ZFPM1: variants seen among roughly 807,000 people sequenced by gnomAD.
ZFPM1 encodes the protein zinc finger protein ZFPM1.
A neutral mutation model predicts 46.3 loss-of-function variants in ZFPM1; 28 were observed. The ratio of observed to expected loss-of-function variants is 0.60; its 90% CI spans 0.45 to 0.83. The LOEUF (loss-of-function observed/expected upper bound fraction) is 0.83. Ranked by LOEUF, ZFPM1 falls within the 40% of genes least tolerant of loss-of-function variation. ZFPM1 has a pLI of 0.00. For missense variants in ZFPM1, 1,878 were observed against 1,432.4 expected (o/e 1.31, Z -5.02); for synonymous variants, 957 against 675.9 (o/e 1.42, Z -6.45).
intron 3 of ZFPM1, among the ~76,000 whole-genome samples, chr16:88,509,378 C>T (rs185857140): frequency 4.6e-5 from 7 of 152,348 alleles, no homozygotes; most frequent in African/African-American, 1.7e-4. Flanking sequence ...GGTGACCCCA[C>T]GGTGGGCACC....
chr16:88,510,421 C>T (rs894888735), intron 3 of ZFPM1, among the ~76,000 whole-genome samples: 12 of 152,238 alleles, frequency 7.9e-5, no homozygotes, highest in Non-Finnish European at 1.5e-4. Context: ...GGGGTGTAAT[C>T]GGAGGGCTTT....
At chr16:88,454,509 C>A (rs1055834406) in intron 1 of ZFPM1, among the ~76,000 whole-genome samples, 2 of 152,212 alleles carry the variant, frequency 1.3e-5, no homozygotes, top group African/African-American at 2.4e-5. Flanking sequence ...CAGGACGCAG[C>A]CCCGGGCCGG....
rs1038637817 is a variant in ZFPM1 at position 88,533,373 on chromosome 16, C to T, written c.1415C>T (p.Ala472Val). ...GTGGAGGCGGTGGAGGAGCCGGAGGCGGCCCCCATCCTGGGCCCCGGAGAG... is the reference window on the plus strand; with the variant it reads ...GTGGAGGCGGTGGAGGAGCCGGAGGTGGCCCCCATCCTGGGCCCCGGAGAG... ...IKVEAVEEPE[A>V]APILGPGEPG... The change falls in exon 10 of 10, where the codon GCG becomes GTG. Residue 472 changes from alanine to valine, a missense_variant. By Grantham distance (64) the Ala-to-Val change is moderately conservative (BLOSUM62 0). Coordinates refer to ENST00000319555, the MANE Select transcript of ZFPM1 (RefSeq NM_153813.3). 25 of 1,528,590 alleles carry T rather than the reference C, an allele frequency of 1.6e-5. No homozygotes were observed. Among genetic ancestry groups the T allele is most frequent in the East Asian group, 5.0e-5 (2 of 39,764 alleles). 94.7% of individuals were successfully genotyped at this position (1,528,590 alleles called of 1,614,324 possible).
intron 2 of ZFPM1, among the ~76,000 whole-genome samples, chr16:88,486,753 G>A (rs1909251749): frequency 6.7e-6 from 1 of 148,986 alleles, no homozygotes; most frequent in Admixed American, 6.7e-5. Context: ...ATGGGTGCTG[G>A]GTGCACAGTG....
intron 1 of ZFPM1, among the ~76,000 whole-genome samples, chr16:88,481,283 G>A (rs1159069260): frequency 6.6e-6 from 1 of 152,182 alleles, no homozygotes; most frequent in Non-Finnish European, 1.5e-5. Flanking sequence ...TGCCAGGCCA[G>A]GCAATGGGGC....
chr16:88,498,227 C>G (rs140139602), intron 3 of ZFPM1, among the ~76,000 whole-genome samples: 7 of 152,020 alleles, frequency 4.6e-5, no homozygotes, highest in African/African-American at 1.7e-4. Flanking sequence ...CGCCCCACTT[C>G]ACAGCTGGGC....
chr16:88,519,070 ATGGATGGATGGATGGATGGCTGAGAGTG>A, intron 4 of ZFPM1, among the ~76,000 whole-genome samples: 1 of 138,104 alleles, frequency 7.2e-6, no homozygotes, highest in South Asian at 2.5e-4. Flanking sequence ...GGATGGATGG[ATGGATGGATGGATGGATGGCTGAGAGTG>A]TGGGTGGATG....
Position 88,514,377 on chromosome 16 carries a change from C to A in ZFPM1, c.269-10C>A. ...CGGGCACGCCTCATGCCTGCGATGTCTCTCTGCAGACGAGCTGGAGCCGGT... is the reference window on the plus strand; with the variant it reads ...CGGGCACGCCTCATGCCTGCGATGTATCTCTGCAGACGAGCTGGAGCCGGT... On this transcript the variant is annotated splice_polypyrimidine_tract_variant and intron_variant, in intron 3 of 9. Coordinates refer to ENST00000319555, the MANE Select transcript of ZFPM1 (RefSeq NM_153813.3). 1 of 1,563,680 alleles carries A rather than the reference C, an allele frequency of 6.4e-7. No homozygotes were observed. The highest frequency in any genetic ancestry group is 8.7e-7 in the Non-Finnish European group (1 of 1,154,950).
In ZFPM1 at chr16:88,533,415, C is replaced by A. The variant is rs760321577; in HGVS notation, c.1457C>A (p.Pro486Gln). The A allele has an allele frequency of 2.7e-6, 4 of 1,487,602 alleles. No homozygotes were observed. The highest frequency in any genetic ancestry group is 2.7e-6 in the Non-Finnish European group (3 of 1,128,676). The allele number at this position is 1,487,602 out of a possible 1,614,324, so 92.2% of individuals were successfully genotyped here. ...LGPGEPGPQA[P>Q]SRTPSPRSPA... The stretch of plus-strand genomic sequence containing the variant: ...CCCGGAGAGCCTGGGCCCCAGGCCC[C>A]GTCGCGGACGCCGTCGCCGCGCAGC... The change falls in exon 10 of 10, where the codon CCG (proline) becomes CAG (glutamine). Residue 486 changes from proline to glutamine, a missense_variant. Pro to Gln is a moderately conservative substitution (Grantham distance 76, BLOSUM62 -1). Coordinates refer to ENST00000319555, the MANE Select transcript of ZFPM1 (RefSeq NM_153813.3).
At chr16:88,508,055 G>C (rs372993829) in intron 3 of ZFPM1, among the ~76,000 whole-genome samples, 20 of 152,212 alleles carry the variant, frequency 1.3e-4, no homozygotes, top group African/African-American at 4.1e-4. Context: ...CCAGCACTTG[G>C]GGAGGCTGAG....
At chr16:88,495,552 T>C (rs1253520643) in intron 3 of ZFPM1, among the ~76,000 whole-genome samples, 1 of 152,328 alleles carries the variant, frequency 6.6e-6, no homozygotes, top group East Asian at 1.9e-4. Context: ...GCTCTGCCTG[T>C]GTCTGTCTGG....
chr16:88,493,950 T>C (rs866022855), intron 3 of ZFPM1, among the ~76,000 whole-genome samples: 1 of 152,160 alleles, frequency 6.6e-6, no homozygotes, highest in Non-Finnish European at 1.5e-5. Context: ...ACAGGCCCTA[T>C]AGTCCAGCCT....
At chr16:88,472,543 G>A (rs552425941) in intron 1 of ZFPM1, among the ~76,000 whole-genome samples, 3 of 152,066 alleles carry the variant, frequency 2.0e-5, no homozygotes, top group South Asian at 2.1e-4. Flanking sequence ...TAGTAGAGAC[G>A]GGGTTTCACC....
At chr16:88,489,788 C>A (rs1027994285) in intron 3 of ZFPM1, among the ~76,000 whole-genome samples, 3 of 152,252 alleles carry the variant, frequency 2.0e-5, no homozygotes, top group African/African-American at 7.2e-5. Context: ...ACTGTGAATT[C>A]CATTCATTTA....
intron 1 of ZFPM1, among the ~76,000 whole-genome samples, chr16:88,459,291 G>A (rs1429499547): frequency 1.3e-5 from 2 of 152,170 alleles, no homozygotes; most frequent in East Asian, 3.9e-4. Flanking sequence ...CCGGAACTCT[G>A]TCAGATAAAT....
At position 88,471,334 on chromosome 16, in the gene ZFPM1, G is replaced by A. The variant is rs906141912; in HGVS notation, c.41-14605G>A. ...GCTTGGGCTATAGCATCTAGGCTCT[G>A]AGATGACTGTGTCCGTGGCGGCTCC... is the stretch of plus-strand genomic sequence containing the variant. On this transcript the variant is annotated intron_variant, in intron 1 of 9. Transcript: ENST00000319555. The surrounding 1 kb of genome is among the most constrained non-coding windows in gnomAD (Gnocchi z 4.1). Among the ~76,000 whole-genome samples the A allele has an allele frequency of 1.3e-5, 2 of 152,260 alleles. No individual in the cohort carries two copies. Among genetic ancestry groups the A allele is most frequent in the Non-Finnish European group, 2.9e-5 (2 of 68,054 alleles).
Position 88,534,257 on chromosome 16 carries a change from G to A in ZFPM1, c.2299G>A (p.Glu767Lys), listed in dbSNP as rs1337005456. The change falls in exon 10 of 10, where the codon GAG becomes AAG. Residue 767 changes from glutamate to lysine, a missense_variant. By Grantham distance (56) the Glu-to-Lys change is moderately conservative. Transcript: ENST00000319555. ...PPPPGHAPAP[E>K]SPRPGSGSGS... ...GCCGCCCGGCCACGCCCCCGCGCCCGAGTCGCCGCGGCCCGGAAGCGGAAG... is the reference window on the plus strand; with the variant it reads ...GCCGCCCGGCCACGCCCCCGCGCCCAAGTCGCCGCGGCCCGGAAGCGGAAG... 17 of 1,016,244 alleles carry A rather than the reference G, an allele frequency of 1.7e-5. No individual in the cohort carries two copies. The highest frequency in any genetic ancestry group is 1.5e-4 in the South Asian group (3 of 20,382). 63.0% of individuals were successfully genotyped at this position (1,016,244 alleles called of 1,614,324 possible). A position where few individuals can be genotyped will look rare whatever the true frequency, so the allele number is the denominator to read the frequency against.
At chr16:88,506,247 G>A (rs1196750646) in intron 3 of ZFPM1, among the ~76,000 whole-genome samples, 4 of 107,712 alleles carry the variant, frequency 3.7e-5, no homozygotes, top group South Asian at 3.7e-4. Context: ...GGTAGGGTTG[G>A]GGGGCACCAG....
At chr16:88,494,055 C>G (rs1039968299) in intron 3 of ZFPM1, among the ~76,000 whole-genome samples, 1 of 152,182 alleles carries the variant, frequency 6.6e-6, no homozygotes, top group Admixed American at 6.5e-5. Context: ...CGCAGGAAGC[C>G]TCCACGAGGA....
Sources: allele counts gnomAD v4.1 joint callset (sites outside exome capture counted in the v4.1 genomes callset), GRCh38; gene constraint gnomAD v4.1.1; non-coding constraint Gnocchi (gnomAD v3.1); transcripts MANE v1.5; gene names NCBI Gene and HGNC (gene_info 2026-07-23, HGNC 2026-07-21).